Variants in TEX9 observed in about 807,000 individuals in gnomAD.
TEX9 encodes testis expressed 9.
Under a neutral mutation model 59.6 loss-of-function variants are expected in TEX9, and 74 were observed. That is an observed-to-expected ratio of 1.24 (90% CI 1.03 to 1.51). The LOEUF (loss-of-function observed/expected upper bound fraction) is 1.51. Among genes scored for constraint, TEX9 ranks in the 40% most tolerant of loss-of-function variants. The pLI is 0.00. For missense variants in TEX9, 522 were observed against 447.8 expected, an observed-to-expected ratio of 1.17 and a Z score of -1.49; for synonymous variants, 186 against 152.2, an observed-to-expected ratio of 1.22 and a Z score of -1.64.
At chr15:56,352,059 C>A (rs549996542) in intron 1 of TEX9, among the ~76,000 whole-genome samples, 18 of 152,210 alleles carry the variant, frequency 1.2e-4, no homozygotes, top group African/African-American at 4.1e-4. Context: ...TAAAGATATC[C>A]TTGTAAGTGA....
At chr15:56,253,843 A>G (rs777267024) in intron 1 of TEX9, among the ~76,000 whole-genome samples, 2 of 152,060 alleles carry the variant, frequency 1.3e-5, no homozygotes, top group Non-Finnish European at 1.5e-5. Flanking sequence ...TTAAAAAAAA[A>G]TGGAATAGAC....
intron 4 of TEX9, 27 bp from the exon 5 acceptor site, chr15:56,388,445 T>C (rs2048058050): frequency 6.4e-7 from 1 of 1,562,284 alleles, no homozygotes; most frequent in Non-Finnish European, 8.8e-7. Context: ...CTATTATTAA[T>C]GTATAATGTT....
chr15:56,415,665 TCA>T (rs763628906), intron 10 of TEX9, among the ~76,000 whole-genome samples: 2 of 151,920 alleles, frequency 1.3e-5, no homozygotes, highest in Non-Finnish European at 2.9e-5. Context: ...TAGTTTGAAG[TCA>T]CACAGTGTGC....
intron 3 of TEX9, among the ~76,000 whole-genome samples, chr15:56,375,159 C>T (rs964420436): frequency 1.3e-5 from 2 of 152,162 alleles, no homozygotes; most frequent in African/African-American, 2.4e-5. Context: ...TATTTCTCCA[C>T]ATCCTCTCCA....
At position 56,297,712 on chromosome 15, in the gene TEX9, C is replaced by G. The variant is rs2045249795; in HGVS notation, c.-107+53434C>G. On this transcript the variant is annotated intron_variant, in intron 1 of 5. Transcript: ENST00000560827. ...TGGAGACAGAGTTTTACCATGTTGGCCAGAATGGTCTTGAATGCCTGCCAT... is the reference window on the plus strand; with the variant it reads ...TGGAGACAGAGTTTTACCATGTTGGGCAGAATGGTCTTGAATGCCTGCCAT... 2.0e-5 allele frequency among the ~76,000 whole-genome samples: 3 copies of G among 152,288 alleles called. No individual in the cohort carries two copies. In the South Asian group the frequency reaches 6.2e-4, roughly 32 times the overall value.
intron 2 of TEX9, 151 bp from the exon 3 acceptor site, chr15:56,373,290 T>A: frequency 1.6e-6 from 1 of 617,598 alleles, no homozygotes. Flanking sequence ...TGAGGATAAG[T>A]TCTTAATGGC....
chr15:56,317,587 T>C (rs2045805930), intron 1 of TEX9, among the ~76,000 whole-genome samples: 1 of 152,222 alleles, frequency 6.6e-6, no homozygotes, highest in South Asian at 2.1e-4. Flanking sequence ...TTTAGTTTAC[T>C]ATCCTTTTTC....
chr15:56,458,816 A>T, the TEX9 span, among the ~76,000 whole-genome samples: 1 of 152,156 alleles, frequency 6.6e-6, no homozygotes, highest in African/African-American at 2.4e-5. Context: ...ATAATATTCC[A>T]TTGTCTGGAT....
intron 12 of TEX9, chr15:56,434,015 A>G: frequency 1.9e-6 from 2 of 1,047,772 alleles, no homozygotes; most frequent in Non-Finnish European, 2.7e-6. Flanking sequence ...ATTTATATAT[A>G]TATTAGTAAA....
intron 1 of TEX9, among the ~76,000 whole-genome samples, chr15:56,316,985 G>A (rs1415353365): frequency 6.6e-6 from 1 of 152,202 alleles, no homozygotes; most frequent in East Asian, 1.9e-4. Context: ...TCCCAAGTGA[G>A]GCAATGCCTC....
chr15:56,354,135 G>C (rs2046638653), intron 1 of TEX9, among the ~76,000 whole-genome samples: 1 of 152,160 alleles, frequency 6.6e-6, no homozygotes, highest in African/African-American at 2.4e-5. Flanking sequence ...ATTTTTATAT[G>C]TTGTATATAT....
At chr15:56,403,736 A>G (rs1479299026) in intron 9 of TEX9, among the ~76,000 whole-genome samples, 1 of 152,222 alleles carries the variant, frequency 6.6e-6, no homozygotes, top group East Asian at 1.9e-4. Flanking sequence ...AAACTATACT[A>G]CAAGGCTACA....
intron 3 of TEX9, among the ~76,000 whole-genome samples, chr15:56,381,243 G>A (rs1074018): frequency 0.032 from 4,805 of 152,088 alleles, 188 homozygotes; most frequent in East Asian, 0.095. Context: ...AGAATTTCTC[G>A]ATTCTTTTTA....
At chr15:56,309,693 G>GTTTTTTTT (rs60648387) in intron 1 of TEX9, among the ~76,000 whole-genome samples, 2,106 of 60,674 alleles carry the variant, frequency 0.035, 295 homozygotes, top group East Asian at 0.05. Flanking sequence ...TTTATGGGAA[G>GTTTTTTTT]TTTTTTTTTT....
At chr15:56,443,607 ACT>A in intron 12 of TEX9, 1 of 1,594,286 alleles carries the variant, frequency 6.3e-7, no homozygotes, top group Non-Finnish European at 8.5e-7. Flanking sequence ...TCAGAATTTT[ACT>A]AGTGTTAAAG....
intron 10 of TEX9, among the ~76,000 whole-genome samples, chr15:56,424,864 A>C (rs117330944): frequency 0.013 from 1,945 of 152,280 alleles, 15 homozygotes; most frequent in Non-Finnish European, 0.021. Flanking sequence ...ATTTGCATAT[A>C]GCTTTGAATT....
chr15:56,252,796 A>AT (rs532500911), intron 1 of TEX9, among the ~76,000 whole-genome samples: 13 of 152,142 alleles, frequency 8.5e-5, no homozygotes, highest in Admixed American at 6.5e-4. Context: ...ACCACTTGCC[A>AT]TTTTTGTGAT....
intron 1 of TEX9, among the ~76,000 whole-genome samples, chr15:56,308,691 C>A (rs1436639624): frequency 6.6e-6 from 1 of 152,086 alleles, no homozygotes; most frequent in Non-Finnish European, 1.5e-5. Context: ...TTAGCTCTTA[C>A]ATTTAGGCCT....
chr15:56,349,289 G>A (rs781745896), intron 1 of TEX9, among the ~76,000 whole-genome samples: 1 of 152,142 alleles, frequency 6.6e-6, no homozygotes, highest in Non-Finnish European at 1.5e-5. Context: ...AACTTGGTAA[G>A]ACTCAACCTG....
Sources: allele counts gnomAD v4.1 joint callset (sites outside exome capture counted in the v4.1 genomes callset), GRCh38; gene constraint gnomAD v4.1.1; transcripts MANE v1.5; gene names NCBI Gene and HGNC (gene_info 2026-07-23, HGNC 2026-07-21).